The following TNNI3K variants were observed in gnomAD, a reference collection of about 807,000 sequenced individuals.
TNNI3K encodes the protein TNNI3 interacting kinase.
In TNNI3K, 140 loss-of-function variants were observed where a neutral mutation model predicts 114.5. That is an observed-to-expected ratio of 1.22 (90% CI 1.07 to 1.41). TNNI3K has a LOEUF of 1.41. Ranked by LOEUF, TNNI3K falls within the 40% of genes most tolerant of loss-of-function variation. The pLI is 0.00. For missense variants in TNNI3K, 1,125 were observed against 1,007.6 expected (o/e 1.12, Z -1.58); for synonymous variants, 347 against 347.5 (o/e 1.00, Z 0.02).
intron 5 of TNNI3K, among the ~76,000 whole-genome samples, chr1:74,288,605 C>T (rs1175965352): frequency 2.6e-5 from 4 of 151,650 alleles, no homozygotes; most frequent in Admixed American, 6.6e-5. Context: ...TGGTGGTTGC[C>T]GGGGGCTGGA....
intron 17 of TNNI3K, among the ~76,000 whole-genome samples, chr1:74,424,734 A>AAG (rs72300895): frequency 2.6e-4 from 39 of 151,534 alleles, no homozygotes; most frequent in Middle Eastern, 3.4e-3. Flanking sequence ...AAAAAAAAAA[A>AAG]AGAGAGAGAC....
At chr1:74,267,189 G>A (rs1174719901) in intron 4 of TNNI3K, among the ~76,000 whole-genome samples, 7 of 151,884 alleles carry the variant, frequency 4.6e-5, no homozygotes, top group Admixed American at 3.9e-4. Flanking sequence ...TAAACTGCAA[G>A]CAATAAATGA....
intron 20 of TNNI3K, among the ~76,000 whole-genome samples, chr1:74,454,326 CTGTACTTT>C (rs1667142869): frequency 6.6e-6 from 1 of 152,138 alleles, no homozygotes; most frequent in Non-Finnish European, 1.5e-5. Context: ...TTTTATCTAA[CTGTACTTT>C]TGTATCTATT....
chr1:74,455,170 G>C (rs947667428), intron 20 of TNNI3K, among the ~76,000 whole-genome samples: 7 of 152,138 alleles, frequency 4.6e-5, no homozygotes, highest in African/African-American at 1.7e-4. Context: ...GACTAAGGAT[G>C]CTCCCTGGAA....
chr1:74,336,196 A>G (rs769048089), intron 7 of TNNI3K, 47 bp downstream of exon 7: 2 of 1,565,138 alleles, frequency 1.3e-6, no homozygotes, highest in African/African-American at 2.8e-5. Context: ...TGCTTTATGT[A>G]TACCTTTTAC....
At chr1:74,465,380 G>C (rs1667626704) in intron 21 of TNNI3K, among the ~76,000 whole-genome samples, 1 of 152,158 alleles carries the variant, frequency 6.6e-6, no homozygotes, top group South Asian at 2.1e-4. Flanking sequence ...GCCACTCCAG[G>C]CACTGAGGGG....
chr1:74,362,001 G>T (rs1048685231), intron 11 of TNNI3K, among the ~76,000 whole-genome samples: 2 of 152,032 alleles, frequency 1.3e-5, no homozygotes, highest in South Asian at 2.1e-4. Flanking sequence ...TGGGTCAAAG[G>T]GGATGTGAGT....
rs116449350 is a variant in TNNI3K, at chr1:74,252,649, C to T, written c.333+1880C>T. ...CTTCTTTCTGGTGGGTTCGTGGTCT[C>T]GCTGGCTATGGAGTGAAGCTGCAGA... is the stretch of plus-strand genomic sequence containing the variant. On this transcript the variant is annotated intron_variant, in intron 4 of 24. Coordinates refer to ENST00000326637, the MANE Select transcript of TNNI3K (RefSeq NM_015978.3). Among the ~76,000 whole-genome samples, 1,134 of 152,070 alleles carry T rather than the reference C, an allele frequency of 7.5e-3. 5 individuals are homozygous for T. The highest frequency in any genetic ancestry group is 0.013 in the Non-Finnish European group (870 of 67,998).
intron 17 of TNNI3K, among the ~76,000 whole-genome samples, chr1:74,396,911 G>A (rs1664112629): frequency 6.6e-6 from 1 of 152,196 alleles, no homozygotes; most frequent in Admixed American, 6.5e-5. Flanking sequence ...AAGCTAGCCT[G>A]ATATTACTAA....
At chr1:74,472,048 A>G in intron 21 of TNNI3K, 1 of 712,078 alleles carries the variant, frequency 1.4e-6, no homozygotes, top group Non-Finnish European at 2.6e-6. Context: ...TGAGCTTGTA[A>G]TAAAATGTCT....
chr1:74,283,200 C>T (rs10493541), intron 5 of TNNI3K, among the ~76,000 whole-genome samples: 6,771 of 152,210 alleles, frequency 0.044, 194 homozygotes, highest in Non-Finnish European at 0.055. Flanking sequence ...CTGTGGCATT[C>T]GAAAATGGTT....
chr1:74,401,504 A>T (rs538601555), intron 17 of TNNI3K, among the ~76,000 whole-genome samples: 1 of 152,364 alleles, frequency 6.6e-6, no homozygotes, highest in African/African-American at 2.4e-5. Flanking sequence ...ATTGTTTGGT[A>T]AATTCTACTG....
At chr1:74,410,336 T>C (rs939769018) in intron 17 of TNNI3K, among the ~76,000 whole-genome samples, 3 of 152,204 alleles carry the variant, frequency 2.0e-5, no homozygotes, top group Admixed American at 2.0e-4. Flanking sequence ...TTTTCCAAAA[T>C]CACGCAACTA....
intron 4 of TNNI3K, among the ~76,000 whole-genome samples, chr1:74,263,124 T>C (rs1655776354): frequency 1.3e-5 from 2 of 152,078 alleles, no homozygotes; most frequent in African/African-American, 4.8e-5. Context: ...AGAAAACATA[T>C]GCCCCATGTA....
chr1:74,434,675 TATTA>T (rs1557563348), intron 17 of TNNI3K, among the ~76,000 whole-genome samples: 2 of 152,024 alleles, frequency 1.3e-5, no homozygotes, highest in South Asian at 4.1e-4. Flanking sequence ...TCATCATGTG[TATTA>T]ATTAGTAATT....
intron 11 of TNNI3K, among the ~76,000 whole-genome samples, chr1:74,357,032 T>C (rs1463610430): frequency 1.3e-5 from 2 of 152,218 alleles, no homozygotes; most frequent in Non-Finnish European, 2.9e-5. Flanking sequence ...ATTGTTTTCA[T>C]GTGTTCAGGG....
rs1030046725 is a variant in TNNI3K at position 74,357,742 on chromosome 1, A to G, written c.1177+3613A>G. ...ATCTGCCAGAGTGCTTAGAGCTCCA[A>G]TTTTACAATATTTAGAGTGTCTCCC... On this transcript the variant is annotated intron_variant, in intron 11 of 24. Coordinates refer to ENST00000326637, the MANE Select transcript of TNNI3K (RefSeq NM_015978.3). Among the ~76,000 whole-genome samples the G allele has an allele frequency of 2.6e-5, 4 of 152,054 alleles. No homozygotes were observed. In the East Asian group the frequency reaches 5.8e-4, roughly 22 times the overall value.
chr1:74,390,657 G>T (rs934831775), intron 17 of TNNI3K, among the ~76,000 whole-genome samples: 1 of 152,128 alleles, frequency 6.6e-6, no homozygotes, highest in African/African-American at 2.4e-5. Flanking sequence ...GAAGCATACA[G>T]ATTACAAGTG....
intron 23 of TNNI3K, among the ~76,000 whole-genome samples, chr1:74,505,974 TA>T (rs938660863): frequency 3.2e-4 from 49 of 152,248 alleles, no homozygotes; most frequent in African/African-American, 8.2e-4. Flanking sequence ...AAAGAGAAAG[TA>T]AAAAAATGAA....
Sources: allele counts gnomAD v4.1 joint callset (sites outside exome capture counted in the v4.1 genomes callset), GRCh38; gene constraint gnomAD v4.1.1; transcripts MANE v1.5; gene names NCBI Gene and HGNC (gene_info 2026-07-23, HGNC 2026-07-21).